Variants in RALYL observed in about 807,000 individuals in gnomAD.
RALYL encodes the protein RALY RNA binding protein like, also known as RNA-binding Raly-like protein.
RALYL carries 29 observed loss-of-function variants against 35.1 expected under a neutral mutation model. The observed-to-expected ratio is 0.83, with a 90% CI of 0.61 to 1.13. The LOEUF (loss-of-function observed/expected upper bound fraction) is 1.13, where lower values mean the gene tolerates loss of function less well. RALYL is among the 50% of genes most tolerant of loss of function. The probability of loss-of-function intolerance (pLI) is 0.00; values close to 1 mark genes in which losing one functional copy is unlikely to be tolerated. For synonymous variants in RALYL, 120 were observed against 127.6 expected (o/e 0.94, Z 0.40); for missense variants, 359 against 360.4 (o/e 1.00, Z 0.03).
chr8:84,439,817 A>C (rs1482187243), intron 1 of RALYL, among the ~76,000 whole-genome samples: 3 of 152,106 alleles, frequency 2.0e-5, no homozygotes, highest in Non-Finnish European at 2.9e-5. Flanking sequence ...AAGTGTGTTA[A>C]TACTTAGATT....
chr8:84,300,159 A>C (rs543756915), intron 1 of RALYL, among the ~76,000 whole-genome samples: 1 of 152,176 alleles, frequency 6.6e-6, no homozygotes, highest in African/African-American at 2.4e-5. Flanking sequence ...TTAGTTTCAC[A>C]GAATGTCTTG....
At chr8:84,245,596 T>C (rs1828909710) in intron 1 of RALYL, among the ~76,000 whole-genome samples, 1 of 152,196 alleles carries the variant, frequency 6.6e-6, no homozygotes, top group South Asian at 2.1e-4. Flanking sequence ...GTTGTTGTCA[T>C]TAGCTGTTTA....
chr8:84,505,440 C>T (rs2057083211), intron 1 of RALYL, among the ~76,000 whole-genome samples: 1 of 151,628 alleles, frequency 6.6e-6, no homozygotes, highest in South Asian at 2.1e-4. Flanking sequence ...TGTTGCCATA[C>T]ATATTATTTA....
In RALYL at chr8:84,441,285, A is replaced by C. The variant is rs148715364; in HGVS notation, c.-23-88014A>C. ...GCTAATGTGAGATCTCTACAGATTC[A>C]AAAGTAAATAAGAAACGGTTTCTGA... is the stretch of plus-strand genomic sequence containing the variant. On this transcript the variant is annotated intron_variant, in intron 1 of 8. Transcript: ENST00000521268. Among the ~76,000 whole-genome samples, 988 of 152,210 alleles carry C rather than the reference A, an allele frequency of 6.5e-3. 9 individuals carry two copies. The highest frequency in any genetic ancestry group is 0.023 in the South Asian group (109 of 4,830).
chr8:84,810,612 GCTGT>G (rs374832097), intron 4 of RALYL, among the ~76,000 whole-genome samples: 6 of 152,072 alleles, frequency 3.9e-5, no homozygotes, highest in African/African-American at 1.4e-4. Context: ...TTATTGTGTT[GCTGT>G]CTATCACATT....
At position 84,421,777 on chromosome 8, in the gene RALYL, A is replaced by C. The variant is rs573137381; in HGVS notation, c.-23-107522A>C. 2.5e-4 allele frequency among the ~76,000 whole-genome samples: 35 copies of C among 137,458 alleles called. No individual in the cohort carries two copies. The East Asian group carries it at 7.5e-3, about 29-fold the overall frequency. The allele number at this position is 137,458 out of a possible 152,430, so 90.2% of individuals were successfully genotyped here. A position where few individuals can be genotyped will look rare whatever the true frequency, so the allele number is the denominator to read the frequency against. On this transcript the variant is annotated intron_variant, in intron 1 of 8. Transcript: ENST00000521268. Reference sequence around the variant, plus strand: ...CATGATGGGTTGTTGAATTTTGTCAAAGGCTTTTTCTGCATCTATTGAGAT... The same window carrying C: ...CATGATGGGTTGTTGAATTTTGTCACAGGCTTTTTCTGCATCTATTGAGAT...
intron 5 of RALYL, among the ~76,000 whole-genome samples, chr8:84,855,763 T>C (rs908610076): frequency 6.6e-6 from 1 of 152,244 alleles, no homozygotes; most frequent in Non-Finnish European, 1.5e-5. Flanking sequence ...CTTTTTTCAA[T>C]AATATTAGGA....
chr8:84,426,424 T>TTC (rs759464988), intron 1 of RALYL, among the ~76,000 whole-genome samples: 3,213 of 143,636 alleles, frequency 0.022, 85 homozygotes, highest in African/African-American at 0.059. Context: ...CTCTTTTGCG[T>TTC]TCTCTCTCTC....
rs60361195 is a variant in RALYL, at chr8:84,638,965, G to GACACACAC, written c.256+109418_256+109425dup. Among the ~76,000 whole-genome samples the GACACACAC allele has an allele frequency of 1.4e-3, 161 of 116,072 alleles. 1 individual carries two copies. Among genetic ancestry groups the GACACACAC allele is most frequent in the African/African-American group, 4.0e-3 (118 of 29,190 alleles). 76.1% of individuals were successfully genotyped at this position (116,072 alleles called of 152,430 possible). A position where few individuals can be genotyped will look rare whatever the true frequency, so the allele number is the denominator to read the frequency against. ...ATATATATGTACACACACACACACA[G>GACACACAC]ACACACACACACACACACACACACA... On this transcript the variant is annotated intron_variant, in intron 2 of 8. Coordinates refer to ENST00000521268, the MANE Select transcript of RALYL (RefSeq NM_173848.7).
intron 1 of RALYL, among the ~76,000 whole-genome samples, chr8:84,350,478 G>A (rs1850682062): frequency 6.7e-6 from 1 of 150,050 alleles, no homozygotes; most frequent in South Asian, 2.1e-4. Context: ...TATTGTCCCT[G>A]GTCGAGACAG....
chr8:84,313,484 C>T (rs1843185824), intron 1 of RALYL, among the ~76,000 whole-genome samples: 1 of 152,140 alleles, frequency 6.6e-6, no homozygotes, highest in African/African-American at 2.4e-5. Flanking sequence ...GTTCCAATTT[C>T]AAATCATCTC....
intron 2 of RALYL, among the ~76,000 whole-genome samples, chr8:84,618,138 C>G (rs892511036): frequency 4.0e-4 from 60 of 151,850 alleles, no homozygotes; most frequent in African/African-American, 1.4e-3. Context: ...CCCTCTTTTT[C>G]TATTGATTGG....
At chr8:84,864,689 A>G (rs1838822034) in intron 6 of RALYL, 1 of 468,974 alleles carries the variant, frequency 2.1e-6, no homozygotes, top group Non-Finnish European at 4.1e-6. Flanking sequence ...CAGGCAAGCC[A>G]TAGGCTATAG....
intron 3 of RALYL, among the ~76,000 whole-genome samples, chr8:84,795,674 A>G (rs145303841): frequency 4.3e-4 from 65 of 152,306 alleles, no homozygotes; most frequent in African/African-American, 1.2e-3. Context: ...GTATTTGGAC[A>G]TAATGCTTTT....
At chr8:84,264,535 A>G (rs1277183348) in intron 1 of RALYL, among the ~76,000 whole-genome samples, 2 of 148,726 alleles carry the variant, frequency 1.3e-5, no homozygotes, top group African/African-American at 2.5e-5. Context: ...GATTTCAAAG[A>G]TTTTCTCCTA....
At chr8:84,236,882 A>G (rs1346705200) in intron 1 of RALYL, among the ~76,000 whole-genome samples, 1 of 152,194 alleles carries the variant, frequency 6.6e-6, no homozygotes, top group Non-Finnish European at 1.5e-5. Flanking sequence ...CTTCAATAAA[A>G]GTTTATTAAG....
At chr8:84,679,477 C>G (rs1834913782) in intron 2 of RALYL, 2 of 330,044 alleles carry the variant, frequency 6.1e-6, no homozygotes, top group Admixed American at 3.9e-5. Context: ...CTAAATAGGA[C>G]TGATGCTTGC....
At chr8:84,336,891 G>A (rs1453665730) in intron 1 of RALYL, among the ~76,000 whole-genome samples, 4 of 151,814 alleles carry the variant, frequency 2.6e-5, no homozygotes, top group Non-Finnish European at 5.9e-5. Flanking sequence ...TTGAGCCTAG[G>A]AGAGCAGGGC....
intron 1 of RALYL, among the ~76,000 whole-genome samples, chr8:84,523,423 T>C (rs1035416147): frequency 2.0e-5 from 3 of 152,160 alleles, no homozygotes; most frequent in Non-Finnish European, 4.4e-5. Context: ...ATTATTACAA[T>C]TCAAGGTGAG....
Sources: allele counts gnomAD v4.1 joint callset (sites outside exome capture counted in the v4.1 genomes callset), GRCh38; gene constraint gnomAD v4.1.1; transcripts MANE v1.5; gene names NCBI Gene and HGNC (gene_info 2026-07-23, HGNC 2026-07-21).